The following RYR3 variants were observed in gnomAD, a reference collection of about 807,000 sequenced individuals.
RYR3 encodes the protein brain ryanodine receptor-calcium release channel.
A neutral mutation model predicts 584.3 loss-of-function variants in RYR3; 207 were observed. That is an observed-to-expected ratio of 0.35 (90% CI 0.32 to 0.40). RYR3 has a LOEUF of 0.40. Ranked by LOEUF, RYR3 falls within the 10% of genes least tolerant of loss-of-function variation. The pLI is 1.00. For synonymous variants in RYR3, 2,416 were observed against 2,248.5 expected (o/e 1.07, Z -2.11); for missense variants, 5,616 against 6,089.2 (o/e 0.92, Z 2.59).
intron 53 of RYR3, among the ~76,000 whole-genome samples, chr15:33,747,013 G>A (rs751729683): frequency 1.3e-5 from 2 of 151,378 alleles, no homozygotes; most frequent in Non-Finnish European, 2.9e-5. Context: ...GTTTCGCCAT[G>A]TTGGCCAGGC....
chr15:33,629,509 A>G (rs114543911), intron 21 of RYR3, among the ~76,000 whole-genome samples: 3,917 of 152,338 alleles, frequency 0.026, 153 homozygotes, highest in African/African-American at 0.087. Context: ...TGTGGCTACT[A>G]GAAAATTTGA....
intron 38 of RYR3, among the ~76,000 whole-genome samples, chr15:33,684,038 C>G (rs957161358): frequency 1.3e-5 from 2 of 152,268 alleles, no homozygotes; most frequent in African/African-American, 4.8e-5. Context: ...CCTCTATACA[C>G]TCCACCTCTG....
At chr15:33,481,398 C>A (rs979809879) in intron 2 of RYR3, among the ~76,000 whole-genome samples, 2 of 151,934 alleles carry the variant, frequency 1.3e-5, no homozygotes, top group African/African-American at 4.8e-5. Flanking sequence ...TCCTTTTTTG[C>A]CTTTAAATAA....
intron 38 of RYR3, among the ~76,000 whole-genome samples, chr15:33,675,241 G>A (rs1163536124): frequency 1.3e-5 from 2 of 152,204 alleles, no homozygotes; most frequent in Non-Finnish European, 2.9e-5. Context: ...ATTGTCTTGA[G>A]CACTTCCATA....
At chr15:33,764,021 C>G (rs964222934) in intron 60 of RYR3, among the ~76,000 whole-genome samples, 3 of 151,366 alleles carry the variant, frequency 2.0e-5, no homozygotes, top group African/African-American at 7.3e-5. Flanking sequence ...TACAGTGTGG[C>G]GATTCTTCAA....
chr15:33,570,070 C>T (rs1023445564), intron 12 of RYR3, among the ~76,000 whole-genome samples: 4 of 151,772 alleles, frequency 2.6e-5, no homozygotes, highest in South Asian at 2.1e-4. Context: ...GAAGCACAAA[C>T]GTTTTAATTT....
At chr15:33,427,428 C>G (rs2044741807) in intron 1 of RYR3, among the ~76,000 whole-genome samples, 2 of 152,094 alleles carry the variant, frequency 1.3e-5, no homozygotes, top group Admixed American at 1.3e-4. Context: ...GACCTCATCT[C>G]TAAAAAACAA....
At chr15:33,764,908 G>A (rs146928574) in intron 60 of RYR3, among the ~76,000 whole-genome samples, 2,115 of 151,450 alleles carry the variant, frequency 0.014, 27 homozygotes, top group Middle Eastern at 0.028. Flanking sequence ...CCACGTGCCT[G>A]TAATCCCAGC....
intron 12 of RYR3, among the ~76,000 whole-genome samples, chr15:33,570,607 T>C (rs1210709384): frequency 1.3e-5 from 2 of 152,264 alleles, no homozygotes; most frequent in East Asian, 3.9e-4. Context: ...AGTTTATTAA[T>C]TTTTGTCCAA....
rs1256855988 is a variant in RYR3, at chr15:33,722,448, C to CT, written c.6620-262dup. On this transcript the variant is annotated intron_variant, in intron 43 of 103. Transcript: ENST00000634891. ...TCCTGACCCAATTTATCAAAGCCAC[C>CT]TTTTTCTCCATCAGTGTCAACTCCT... is the stretch of plus-strand genomic sequence containing the variant. 7 of 474,570 alleles carry CT rather than the reference C, an allele frequency of 1.5e-5. No individual in the cohort carries two copies. In the Admixed American group the frequency reaches 2.5e-4, roughly 17 times the overall value. The allele number at this position is 474,570 out of a possible 1,614,324, so 29.4% of individuals were successfully genotyped here.
intron 1 of RYR3, among the ~76,000 whole-genome samples, chr15:33,441,564 C>T (rs2046234804): frequency 6.6e-6 from 1 of 151,956 alleles, no homozygotes; most frequent in African/African-American, 2.4e-5. Flanking sequence ...GGACTTAAAC[C>T]CATTTATTCT....
chr15:33,621,206 C>A (rs986301782), intron 19 of RYR3, among the ~76,000 whole-genome samples: 2 of 152,142 alleles, frequency 1.3e-5, no homozygotes, highest in Non-Finnish European at 2.9e-5. Flanking sequence ...AATTAAATTC[C>A]TCTAGAAATC....
chr15:33,583,123 G>A (rs767920467), intron 14 of RYR3, among the ~76,000 whole-genome samples: 4 of 152,274 alleles, frequency 2.6e-5, no homozygotes, highest in South Asian at 2.1e-4. Flanking sequence ...TACAGATGCC[G>A]AGGCCCACCC....
In RYR3 at chr15:33,737,248, C is replaced by T. The variant is rs533883285; in HGVS notation, c.7515+923C>T. ...TGCTGGGATTACAGCAGGTGTGAAC[C>T]ACCATGCCTGGCCTTCCCTTTTTTT... On this transcript the variant is annotated intron_variant, in intron 49 of 103. Transcript: ENST00000634891. 3.3e-5 allele frequency among the ~76,000 whole-genome samples: 5 copies of T among 152,302 alleles called. No homozygotes were observed. In the South Asian group the frequency reaches 1.0e-3, roughly 32 times the overall value.
intron 69 of RYR3, among the ~76,000 whole-genome samples, chr15:33,803,189 T>C (rs1489155292): frequency 6.6e-6 from 1 of 152,260 alleles, no homozygotes; most frequent in African/African-American, 2.4e-5. Context: ...TATACACTTT[T>C]AGTATGCATT....
At chr15:33,832,099 A>G (rs1203973172) in intron 86 of RYR3, among the ~76,000 whole-genome samples, 1 of 151,812 alleles carries the variant, frequency 6.6e-6, no homozygotes, top group Non-Finnish European at 1.5e-5. Context: ...TTCGAGACCA[A>G]CCTGGGCAAT....
chr15:33,542,577 TA>T (rs563582141), intron 7 of RYR3, among the ~76,000 whole-genome samples: 2 of 152,218 alleles, frequency 1.3e-5, no homozygotes, highest in South Asian at 2.1e-4. Context: ...CTTGTCTAGG[TA>T]AAAAAACTGA....
chr15:33,497,242 G>C (rs1319597210), intron 2 of RYR3, among the ~76,000 whole-genome samples: 1 of 152,040 alleles, frequency 6.6e-6, no homozygotes, highest in East Asian at 1.9e-4. Context: ...CCTTTCTGTT[G>C]GCCCAAATGA....
At chr15:33,831,174 A>C in intron 86 of RYR3, 83 bp downstream of exon 86, 1 of 1,359,820 alleles carries the variant, frequency 7.4e-7, no homozygotes, top group Non-Finnish European at 1.0e-6. Flanking sequence ...AGAATACTTG[A>C]TTGTACACAG....
Sources: allele counts gnomAD v4.1 joint callset (sites outside exome capture counted in the v4.1 genomes callset), GRCh38; gene constraint gnomAD v4.1.1; transcripts MANE v1.5; gene names NCBI Gene and HGNC (gene_info 2026-07-23, HGNC 2026-07-21).